Variants in KHDRBS2 observed in about 807,000 individuals in gnomAD.
KHDRBS2 encodes KH domain-containing, RNA-binding, signal transduction-associated protein 2.
In KHDRBS2, 26 loss-of-function variants were observed where a neutral mutation model predicts 44.3. That is an observed-to-expected ratio of 0.59 (90% confidence interval 0.43 to 0.81). The LOEUF (loss-of-function observed/expected upper bound fraction) is 0.81. Among genes scored for constraint, KHDRBS2 ranks in the 40% least tolerant of loss-of-function variants. The pLI is 0.00. For missense variants in KHDRBS2, 476 were observed against 433.1 expected (o/e 1.10, Z -0.88); for synonymous variants, 194 against 151.1 (o/e 1.28, Z -2.08).
At chr6:62,020,569 CTATTTAT>C (rs1308611768) in intron 3 of KHDRBS2, among the ~76,000 whole-genome samples, 4 of 113,936 alleles carry the variant, frequency 3.5e-5, no homozygotes, top group Non-Finnish European at 7.6e-5. Context: ...GTGGATATGT[CTATTTAT>C]TAATGCACTT....
intron 2 of KHDRBS2, among the ~76,000 whole-genome samples, chr6:62,119,543 G>A (rs892791363): frequency 6.6e-6 from 1 of 152,110 alleles, no homozygotes; most frequent in African/African-American, 2.4e-5. Flanking sequence ...TGTATGCTCA[G>A]CCTCACCACC....
intron 3 of KHDRBS2, among the ~76,000 whole-genome samples, chr6:62,005,605 T>C (rs1324978010): frequency 1.3e-5 from 2 of 151,058 alleles, no homozygotes; most frequent in Non-Finnish European, 3.0e-5. Flanking sequence ...ATTTAAATAA[T>C]AGTAACACTA....
the KHDRBS2 span, among the ~76,000 whole-genome samples, chr6:61,642,992 A>T: frequency 6.6e-6 from 1 of 152,312 alleles, no homozygotes; most frequent in African/African-American, 2.4e-5. Context: ...TTTAAAAATT[A>T]TTTGGGAGAT....
the KHDRBS2 span, among the ~76,000 whole-genome samples, chr6:61,602,308 C>T: frequency 6.6e-6 from 1 of 152,172 alleles, no homozygotes; most frequent in Non-Finnish European, 1.5e-5. Flanking sequence ...GACACAAGAA[C>T]TTCCAAAGGC....
chr6:62,091,659 A>G (rs1392104215), intron 2 of KHDRBS2, among the ~76,000 whole-genome samples: 2 of 152,104 alleles, frequency 1.3e-5, no homozygotes, highest in Non-Finnish European at 2.9e-5. Flanking sequence ...ACTTTTTCAA[A>G]TTTTCACTTT....
At chr6:61,596,512 A>G in the KHDRBS2 span, among the ~76,000 whole-genome samples, 1 of 152,158 alleles carries the variant, frequency 6.6e-6, no homozygotes, top group African/African-American at 2.4e-5. Flanking sequence ...AGGTTTGGAT[A>G]AGATTCTTTA....
the KHDRBS2 span, among the ~76,000 whole-genome samples, chr6:61,672,662 T>C: frequency 6.6e-6 from 1 of 152,146 alleles, no homozygotes; most frequent in Non-Finnish European, 1.5e-5. Flanking sequence ...AAGTGTCTGT[T>C]CATGTCCTTT....
chr6:62,101,012 T>A (rs1330243168), intron 2 of KHDRBS2, among the ~76,000 whole-genome samples: 3 of 152,154 alleles, frequency 2.0e-5, no homozygotes, highest in Non-Finnish European at 4.4e-5. Context: ...AGAAAATCTA[T>A]CTCTAGTATC....
chr6:61,724,869 T>G (rs1410337216), intron 7 of KHDRBS2, among the ~76,000 whole-genome samples: 3 of 152,158 alleles, frequency 2.0e-5, no homozygotes, highest in African/African-American at 7.2e-5. Flanking sequence ...GTGGGAGACT[T>G]TAACATTGCA....
At chr6:61,715,793 GTT>G (rs58705451) in intron 7 of KHDRBS2, among the ~76,000 whole-genome samples, 269 of 147,512 alleles carry the variant, frequency 1.8e-3, no homozygotes, top group African/African-American at 4.8e-3. Context: ...TGTATACTGA[GTT>G]TTTTTTTTTT....
chr6:61,628,001 C>A, the KHDRBS2 span, among the ~76,000 whole-genome samples: 1 of 151,968 alleles, frequency 6.6e-6, no homozygotes, highest in Admixed American at 6.6e-5. Context: ...TGCCCTTAAC[C>A]TGTGTAATTT....
intron 6 of KHDRBS2, among the ~76,000 whole-genome samples, chr6:61,742,096 G>A (rs1388365817): frequency 6.6e-6 from 1 of 151,818 alleles, no homozygotes; most frequent in African/African-American, 2.4e-5. Flanking sequence ...AATTATGAGG[G>A]TCAAGATAAT....
the KHDRBS2 span, among the ~76,000 whole-genome samples, chr6:61,637,482 C>A: frequency 6.6e-6 from 1 of 151,996 alleles, no homozygotes; most frequent in African/African-American, 2.4e-5. Context: ...TGAATTATGC[C>A]ACAATAAACA....
At chr6:62,070,732 T>C (rs1794849718) in intron 2 of KHDRBS2, among the ~76,000 whole-genome samples, 1 of 152,196 alleles carries the variant, frequency 6.6e-6, no homozygotes, top group African/African-American at 2.4e-5. Context: ...CTTAATCCAG[T>C]CTATCATTGT....
At chr6:61,761,367 A>C (rs1714968681) in intron 6 of KHDRBS2, among the ~76,000 whole-genome samples, 1 of 152,178 alleles carries the variant, frequency 6.6e-6, no homozygotes, top group Non-Finnish European at 1.5e-5. Flanking sequence ...ACACCTATTG[A>C]TTTTGTACCA....
intron 2 of KHDRBS2, among the ~76,000 whole-genome samples, chr6:62,128,919 G>T (rs977014026): frequency 4.6e-5 from 7 of 151,930 alleles, no homozygotes; most frequent in African/African-American, 1.7e-4. Flanking sequence ...CTTTGTTTTA[G>T]ATAATTCCTA....
At chr6:61,794,981 A>T (rs1785107033) in intron 6 of KHDRBS2, among the ~76,000 whole-genome samples, 1 of 151,792 alleles carries the variant, frequency 6.6e-6, no homozygotes, top group African/African-American at 2.4e-5. Flanking sequence ...TCTACTAAAA[A>T]TACAAAAATT....
the KHDRBS2 span, among the ~76,000 whole-genome samples, chr6:61,673,162 T>G: frequency 1.3e-5 from 2 of 152,154 alleles, no homozygotes; most frequent in Admixed American, 6.6e-5. Flanking sequence ...GTTGTAGATA[T>G]GTGGTGTTAT....
the KHDRBS2 span, among the ~76,000 whole-genome samples, chr6:61,663,617 G>A: frequency 6.9e-6 from 1 of 145,882 alleles, no homozygotes; most frequent in African/African-American, 2.5e-5. Context: ...AGTGAAACTG[G>A]TTAAGTCTGG....
Sources: gnomAD v4.1 joint callset for allele counts (sites outside exome capture counted in the v4.1 genomes callset) on GRCh38, gnomAD v4.1.1 for gene constraint, MANE v1.5 for transcripts, NCBI Gene and HGNC (gene_info 2026-07-23, HGNC 2026-07-21) for gene names.